MPZL2: variants seen among roughly 807,000 people sequenced by gnomAD.
MPZL2 encodes myelin protein zero-like protein 2.
A neutral mutation model predicts 24.5 loss-of-function variants in MPZL2; 32 were observed. The observed-to-expected ratio is 1.31, with a 90% CI of 0.99 to 1.76. The LOEUF (loss-of-function observed/expected upper bound fraction) is 1.76. Among genes scored for constraint, MPZL2 ranks in the 40% most tolerant of loss-of-function variants. The pLI, the probability that MPZL2 is intolerant of heterozygous loss-of-function variation, is 0.00. For synonymous variants in MPZL2, 92 were observed against 97.9 expected, an observed-to-expected ratio of 0.94 and a Z score of 0.36; for missense variants, 304 against 274.9, an observed-to-expected ratio of 1.11 and a Z score of -0.75.
intron 1 of MPZL2, 72 bp from the exon 2 acceptor site, chr11:118,263,169 C>A: frequency 6.9e-7 from 1 of 1,443,340 alleles, no homozygotes; most frequent in South Asian, 1.3e-5. Flanking sequence ...CTGACACTTC[C>A]AAAATAAATA....
rs1310426891 is a variant in MPZL2 at position 118,257,019 on chromosome 11, GC to G, written c.*12+218del. On this transcript the variant is annotated intron_variant, in intron 5 of 5. Coordinates refer to ENST00000278937, the MANE Select transcript of MPZL2 (RefSeq NM_005797.4). ...CCTTAGGATTCTCTCAGCTTTAATG[GC>G]AGTAGAGTCCAGCTTCTTAATCTTT... 4.9e-5 allele frequency: 17 copies of G among 347,170 alleles called. No homozygotes were observed. The East Asian group carries it at 7.6e-4, about 16-fold the overall frequency. The allele number at this position is 347,170 out of a possible 1,614,324, so 21.5% of individuals were successfully genotyped here.
In MPZL2 at chr11:118,264,288, T is replaced by C. The variant is rs899524130; in HGVS notation, c.-135A>G. On this transcript the variant is annotated 5_prime_UTR_variant, in exon 1 of 6. Transcript: ENST00000278937. ...GAGTTTGAGTTGAGTTCCTCACCTGTGCCTGTGACTCAGCCCGCTCTGCCT... is the reference window on the plus strand; with the variant it reads ...GAGTTTGAGTTGAGTTCCTCACCTGCGCCTGTGACTCAGCCCGCTCTGCCT... 2.6e-5 allele frequency: 20 copies of C among 776,130 alleles called. No individual in the cohort carries two copies. In the African/African-American group the frequency reaches 2.9e-4, roughly 11 times the overall value. 48.1% of individuals were successfully genotyped at this position (776,130 alleles called of 1,614,324 possible).
At chr11:118,260,341 T>A in intron 3 of MPZL2, 140 bp from the exon 4 acceptor site, 2 of 839,204 alleles carry the variant, frequency 2.4e-6, no homozygotes, top group Non-Finnish European at 3.6e-6. Flanking sequence ...ATATATTACC[T>A]TGTGAATCCT....
chr11:118,263,544 C>T (rs772858604), intron 1 of MPZL2, among the ~76,000 whole-genome samples: 2 of 152,134 alleles, frequency 1.3e-5, no homozygotes, highest in Non-Finnish European at 2.9e-5. Context: ...CAGATGGGTC[C>T]TTAGGTGGAT....
chr11:118,253,581 C>A lies in MPZL2; in HGVS notation c.*1665G>T, dbSNP rs1949643954. On this transcript the variant is annotated 3_prime_UTR_variant, in exon 6 of 6. Coordinates refer to ENST00000278937, the MANE Select transcript of MPZL2 (RefSeq NM_005797.4). ...GCCAAGACATAAGCTACAAATTTTG[C>A]CGGAAAAACTGTCCATACATTTTTA... 1 of 152,082 alleles carries A rather than the reference C, an allele frequency of 6.6e-6. No homozygotes were observed. The highest frequency in any genetic ancestry group is 1.5e-5 in the Non-Finnish European group (1 of 67,986). The allele number at this position is 152,082 out of a possible 1,614,324, so 9.4% of individuals were successfully genotyped here. A position where few individuals can be genotyped will look rare whatever the true frequency, so the allele number is the denominator to read the frequency against.
Position 118,254,586 on chromosome 11 carries a change from G to T in MPZL2, c.*660C>A, listed in dbSNP as rs1013935860. ...TCTTTTCATATCTATGTAACCTTTT[G>T]TAGTTACTGTGTGATTTAGCGTTGT... On this transcript the variant is annotated 3_prime_UTR_variant, in exon 6 of 6. Transcript: ENST00000278937. 2 of 152,188 alleles carry T rather than the reference G, an allele frequency of 1.3e-5. No homozygotes were observed. The highest frequency in any genetic ancestry group is 4.8e-5 in the African/African-American group (2 of 41,458). 9.4% of individuals were successfully genotyped at this position (152,188 alleles called of 1,614,324 possible). A position where few individuals can be genotyped will look rare whatever the true frequency, so the allele number is the denominator to read the frequency against.
chr11:118,262,342 A>G (rs1949705464), intron 3 of MPZL2, 96 bp downstream of exon 3: 1 of 1,307,400 alleles, frequency 7.6e-7, no homozygotes, highest in Admixed American at 1.9e-5. Flanking sequence ...TCCATCACAA[A>G]AGATTGTCCC....
In MPZL2 at chr11:118,260,136, T is replaced by C. The variant is rs1207574987; in HGVS notation, c.502A>G (p.Ile168Val). 1.2e-6 allele frequency: 2 copies of C among 1,613,952 alleles called. No homozygotes were observed. Among genetic ancestry groups the C allele is most frequent in the Non-Finnish European group, 1.7e-6 (2 of 1,179,982 alleles). The change falls in exon 4 of 6, where the codon ATA becomes GTA. Residue 168 changes from isoleucine to valine, a missense_variant. Physicochemically the swap from Ile to Val is conservative, Grantham distance 29 (BLOSUM62 3). Coordinates refer to ENST00000278937, the MANE Select transcript of MPZL2 (RefSeq NM_005797.4). ...IGSACALMII[I>V]VIVVVLFQHY... ...TGGAAGAGGACCACTACAATTACTA[T>C]TATGATCATCAGTGCACAGGCAGAG...
chr11:118,262,350 C>G, intron 3 of MPZL2, 88 bp downstream of exon 3: 15 of 1,337,378 alleles, frequency 1.1e-5, no homozygotes, highest in Non-Finnish European at 1.5e-5. Context: ...AAAAGATTGT[C>G]CCTCTCTCTC....
intron 3 of MPZL2, among the ~76,000 whole-genome samples, chr11:118,261,588 A>C (rs569520426): frequency 1.3e-4 from 20 of 152,324 alleles, no homozygotes; most frequent in South Asian, 2.1e-4. Flanking sequence ...CCTCACTGTG[A>C]TCCTTACTGT....
rs1485661815 is a variant in MPZL2, at chr11:118,262,926, C to CT, written c.225+4dup. The CT allele has an allele frequency of 2.5e-6, 4 of 1,613,410 alleles. No individual in the cohort carries two copies. The highest frequency in any genetic ancestry group is 1.3e-5 in the African/African-American group (1 of 74,988). On this transcript the variant is annotated splice_donor_region_variant and intron_variant, in intron 2 of 5. Coordinates refer to ENST00000278937, the MANE Select transcript of MPZL2 (RefSeq NM_005797.4). ...TACCCTGGAAAATGATGATAATCTACTTACAAACTGCTCAGGTCCCCCGTC... is the reference window on the plus strand; with the variant it reads ...TACCCTGGAAAATGATGATAATCTACTTTACAAACTGCTCAGGTCCCCCGTC...
chr11:118,260,246 A>G (rs1419214832), intron 3 of MPZL2, 45 bp from the exon 4 acceptor site: 1 of 1,588,492 alleles, frequency 6.3e-7, no homozygotes, highest in South Asian at 1.1e-5. Flanking sequence ...AAAGAAGAGG[A>G]CTACAATGAA....
At position 118,262,749 on chromosome 11, in the gene MPZL2, T is replaced by C. The variant is rs567637926; in HGVS notation, c.226-101A>G. On this transcript the variant is annotated intron_variant, in intron 2 of 5. Coordinates refer to ENST00000278937, the MANE Select transcript of MPZL2 (RefSeq NM_005797.4). ...GAAACACCAGCAAACCCAACTGTCC[T>C]GTCTGCAGCTCTGTCACTTGCTTTC... 2.2e-6 allele frequency: 3 copies of C among 1,363,478 alleles called. No individual in the cohort carries two copies. The East Asian group carries it at 6.9e-5, about 32-fold the overall frequency. 84.5% of individuals were successfully genotyped at this position (1,363,478 alleles called of 1,614,324 possible).
chr11:118,253,825 A>G lies in MPZL2; in HGVS notation c.*1421T>C, dbSNP rs778523010. 1.3e-5 allele frequency: 2 copies of G among 152,624 alleles called. No homozygotes were observed. The highest frequency in any genetic ancestry group is 2.9e-5 in the Non-Finnish European group (2 of 68,012). 9.5% of individuals were successfully genotyped at this position (152,624 alleles called of 1,614,324 possible). A position where few individuals can be genotyped will look rare whatever the true frequency, so the allele number is the denominator to read the frequency against. On this transcript the variant is annotated 3_prime_UTR_variant, in exon 6 of 6. Transcript: ENST00000278937. Reference sequence around the variant, plus strand: ...GCAGAATGAGACAGATATGTAATGAATTTCAGAACTGAGGTTCATATGTAA... The same window carrying G: ...GCAGAATGAGACAGATATGTAATGAGTTTCAGAACTGAGGTTCATATGTAA...
At chr11:118,260,296 G>T in intron 3 of MPZL2, 95 bp from the exon 4 acceptor site, 1 of 1,293,576 alleles carries the variant, frequency 7.7e-7, no homozygotes, top group Non-Finnish European at 1.1e-6. Context: ...TCAATAGATG[G>T]AATCTTCCTT....
In MPZL2 at chr11:118,257,331, CAA is replaced by C. The variant is rs772727497; in HGVS notation, c.585-20_585-19del. On this transcript the variant is annotated intron_variant, in intron 4 of 5. Transcript: ENST00000278937. The stretch of plus-strand genomic sequence containing the variant: ...CTTCTTTTCTGTAACAAGCAGAAAC[CAA>C]ATGTCAGGTGAACAAGACAAGAAGC... The C allele has an allele frequency of 6.2e-7, 1 of 1,602,968 alleles. No homozygotes were observed. Among genetic ancestry groups the C allele is most frequent in the Admixed American group, 1.7e-5 (1 of 59,354 alleles).
chr11:118,263,254 C>CAGGTAGGAGTATGTAGA, intron 1 of MPZL2, 157 bp from the exon 2 acceptor site: 1 of 721,282 alleles, frequency 1.4e-6, no homozygotes, highest in Non-Finnish European at 2.3e-6. Flanking sequence ...AATCTACATA[C>CAGGTAGGAGTATGTAGA]TCCTACCTGT....
At chr11:118,262,672 G>C in intron 2 of MPZL2, 24 bp from the exon 3 acceptor site, 1 of 1,607,480 alleles carries the variant, frequency 6.2e-7, no homozygotes, top group East Asian at 2.2e-5. Flanking sequence ...ATGGCAAAAG[G>C]TCTTCTTACT....
Position 118,257,255 on chromosome 11 carries a change from C to T in MPZL2, c.643G>A (p.Asp215Asn). Reference protein sequence around the residue: ...KKVSVYLEDTD With the variant: ...KKVSVYLEDTN ...AACCTTACCATCTAAAATTGTTAGT[C>T]TGTGTCTTCTAAATAAACAGAGACC... Residue 215 changes from aspartate to asparagine, a missense_variant, in exon 5 of 6, where the codon GAC (aspartate) becomes AAC (asparagine). Physicochemically the swap from Asp to Asn is conservative, Grantham distance 23. Transcript: ENST00000278937. The T allele has an allele frequency of 1.2e-6, 2 of 1,610,660 alleles. No homozygotes were observed. Among genetic ancestry groups the T allele is most frequent in the Non-Finnish European group, 1.7e-6 (2 of 1,178,174 alleles).
Sources: allele counts gnomAD v4.1 joint callset (sites outside exome capture counted in the v4.1 genomes callset), GRCh38; gene constraint gnomAD v4.1.1; transcripts MANE v1.5; gene names NCBI Gene and HGNC (gene_info 2026-07-23, HGNC 2026-07-21).